Variants in STXBP5L observed in about 807,000 individuals in gnomAD.
STXBP5L encodes syntaxin-binding protein 5-like.
Under a neutral mutation model 144.5 loss-of-function variants are expected in STXBP5L, and 65 were observed. The observed-to-expected ratio is 0.45, with a 90% confidence interval of 0.37 to 0.55. The LOEUF (loss-of-function observed/expected upper bound fraction) is 0.55. Ranked by LOEUF, STXBP5L falls within the 20% of genes least tolerant of loss-of-function variation. The probability of loss-of-function intolerance (pLI) is 0.00; values close to 1 mark genes in which losing one functional copy is unlikely to be tolerated. For synonymous variants in STXBP5L, 505 were observed against 469.6 expected (o/e 1.08, Z -0.97); for missense variants, 1,298 against 1,405.5 (o/e 0.92, Z 1.22).
At chr3:121,419,004 T>C in intron 26 of STXBP5L, 52 bp from the exon 27 acceptor site, 1 of 1,579,744 alleles carries the variant, frequency 6.3e-7, no homozygotes, top group Non-Finnish European at 8.6e-7. Context: ...TTGCTTTGAA[T>C]AGCACTTTTA....
intron 22 of STXBP5L, among the ~76,000 whole-genome samples, chr3:121,406,071 A>G (rs1487795411): frequency 6.6e-6 from 1 of 152,088 alleles, no homozygotes; most frequent in Non-Finnish European, 1.5e-5. Flanking sequence ...TTTTAATTAA[A>G]TCATTCTTCA....
intron 9 of STXBP5L, among the ~76,000 whole-genome samples, chr3:121,164,354 A>G (rs1225124605): frequency 2.0e-5 from 3 of 152,156 alleles, no homozygotes; most frequent in Admixed American, 2.0e-4. Context: ...TCTCACACCT[A>G]TTAGGATGGC....
chr3:121,035,812 G>A (rs1405899225), intron 3 of STXBP5L, among the ~76,000 whole-genome samples: 1 of 152,072 alleles, frequency 6.6e-6, no homozygotes, highest in African/African-American at 2.4e-5. Flanking sequence ...TCATTTTAAT[G>A]AATCTAGATC....
chr3:121,305,271 T>C (rs1288794165), intron 19 of STXBP5L, among the ~76,000 whole-genome samples: 2 of 152,152 alleles, frequency 1.3e-5, no homozygotes, highest in Admixed American at 6.5e-5. Flanking sequence ...ATGCAAATTC[T>C]TCCAGGAAAT....
intron 18 of STXBP5L, among the ~76,000 whole-genome samples, chr3:121,273,640 T>C (rs564405655): frequency 4.6e-5 from 7 of 152,302 alleles, no homozygotes; most frequent in Admixed American, 3.3e-4. Flanking sequence ...AATGTGACTA[T>C]TGGTTCTCTT....
chr3:121,149,666 A>G (rs2107974627), intron 7 of STXBP5L, among the ~76,000 whole-genome samples: 1 of 152,184 alleles, frequency 6.6e-6, no homozygotes, highest in African/African-American at 2.4e-5. Flanking sequence ...ACCCTATTAG[A>G]AAAGGTAATG....
intron 9 of STXBP5L, among the ~76,000 whole-genome samples, chr3:121,199,031 G>C (rs749592372): frequency 6.6e-6 from 1 of 152,134 alleles, no homozygotes; most frequent in Non-Finnish European, 1.5e-5. Context: ...GAAAGTCAAA[G>C]GTAGCTTGTT....
chr3:121,134,657 T>A (rs2045160713), intron 7 of STXBP5L, among the ~76,000 whole-genome samples: 1 of 152,136 alleles, frequency 6.6e-6, no homozygotes, highest in East Asian at 1.9e-4. Context: ...CATGTGGTGT[T>A]TGGTTTTTTG....
chr3:121,151,062 G>C (rs779836613), intron 7 of STXBP5L, among the ~76,000 whole-genome samples: 11 of 151,914 alleles, frequency 7.2e-5, no homozygotes, highest in Non-Finnish European at 1.2e-4. Flanking sequence ...ACTCCACCCT[G>C]GGTGGCAGAG....
chr3:121,102,646 G>T (rs1351323343), intron 5 of STXBP5L, among the ~76,000 whole-genome samples: 1 of 152,094 alleles, frequency 6.6e-6, no homozygotes, highest in African/African-American at 2.4e-5. Flanking sequence ...CCTTGGGAAA[G>T]AATTTATGAC....
chr3:121,091,140 G>A (rs1254402639), intron 5 of STXBP5L, among the ~76,000 whole-genome samples: 4 of 148,298 alleles, frequency 2.7e-5, no homozygotes, highest in Non-Finnish European at 5.9e-5. Flanking sequence ...AGTATTCCAT[G>A]GTGTATATGT....
intron 3 of STXBP5L, among the ~76,000 whole-genome samples, chr3:120,975,588 G>A (rs897863657): frequency 2.0e-5 from 3 of 152,162 alleles, no homozygotes; most frequent in Non-Finnish European, 4.4e-5. Flanking sequence ...ATGTTGAATA[G>A]GAGTGGTGAG....
At chr3:121,193,985 AT>A (rs1337479327) in intron 9 of STXBP5L, among the ~76,000 whole-genome samples, 21 of 152,094 alleles carry the variant, frequency 1.4e-4, no homozygotes, top group African/African-American at 4.8e-4. Context: ...AATAATAATA[AT>A]AATAAAAAGA....
chr3:121,283,951 T>C (rs2051148497), intron 19 of STXBP5L, among the ~76,000 whole-genome samples: 1 of 151,500 alleles, frequency 6.6e-6, no homozygotes, highest in South Asian at 2.1e-4. Context: ...TTCTGGAACA[T>C]GGCTTTGTGG....
In STXBP5L at chr3:121,415,971, G is replaced by A. The variant is rs956215669; in HGVS notation, c.3226+3G>A. Reference sequence around the variant, plus strand: ...AACATTTGACAGAGAAGAGCTCTGTGAGTAAATTCCTGATTATAGAAATGT... The same window carrying A: ...AACATTTGACAGAGAAGAGCTCTGTAAGTAAATTCCTGATTATAGAAATGT... On this transcript the variant is annotated splice_donor_region_variant and intron_variant, in intron 25 of 26. Transcript: ENST00000471454. 19 of 1,607,288 alleles carry A rather than the reference G, an allele frequency of 1.2e-5. No individual in the cohort carries two copies. Among genetic ancestry groups the A allele is most frequent in the Middle Eastern group, 1.7e-4 (1 of 6,060 alleles).
chr3:121,332,493 A>G (rs995678205), intron 20 of STXBP5L, among the ~76,000 whole-genome samples: 5 of 151,880 alleles, frequency 3.3e-5, no homozygotes, highest in African/African-American at 9.7e-5. Context: ...TTAACAGTAG[A>G]CTAGACCAAG....
rs906763993 is a variant in STXBP5L, at chr3:121,151,200, G to T, written c.670-1277G>T. Among the ~76,000 whole-genome samples, 10 of 152,172 alleles carry T rather than the reference G, an allele frequency of 6.6e-5. No individual in the cohort carries two copies. In the East Asian group the frequency reaches 1.2e-3, roughly 18 times the overall value. ...AACATATCTTAGTACACTTAGTACA[G>T]TCATATCAATTTTATTTTAAGAAAT... is the stretch of plus-strand genomic sequence containing the variant. On this transcript the variant is annotated intron_variant, in intron 7 of 26. Transcript: ENST00000471454.
At chr3:121,144,134 A>C (rs2045622382) in intron 7 of STXBP5L, among the ~76,000 whole-genome samples, 1 of 111,642 alleles carries the variant, frequency 9.0e-6, no homozygotes, top group Non-Finnish European at 1.9e-5. Flanking sequence ...CATACAACTC[A>C]ATAGTAAAAA....
At chr3:121,342,544 G>C (rs1576224620) in intron 20 of STXBP5L, among the ~76,000 whole-genome samples, 1 of 132,314 alleles carries the variant, frequency 7.6e-6, no homozygotes, top group African/African-American at 2.9e-5. Context: ...TCCCCTTCCT[G>C]TGTCCATGTG....
Sources: allele counts gnomAD v4.1 joint callset (sites outside exome capture counted in the v4.1 genomes callset), GRCh38; gene constraint gnomAD v4.1.1; transcripts MANE v1.5; gene names NCBI Gene and HGNC (gene_info 2026-07-23, HGNC 2026-07-21).